NR2E3: variants seen among roughly 807,000 people sequenced by gnomAD.
NR2E3 encodes the protein nuclear receptor subfamily 2 group E member 3.
A neutral mutation model predicts 37.6 loss-of-function variants in NR2E3; 38 were observed. That is an observed-to-expected ratio of 1.01 (90% confidence interval 0.78 to 1.33). The LOEUF is 1.33. Among genes scored for constraint, NR2E3 ranks in the 40% most tolerant of loss-of-function variants. NR2E3 has a pLI of 0.00. For synonymous variants in NR2E3, 235 were observed against 225.1 expected (o/e 1.04, Z -0.39); for missense variants, 562 against 558.7 (o/e 1.01, Z -0.06).
Position 71,810,796 on chromosome 15 carries a change from C to T in NR2E3, c.53C>T (p.Pro18Leu), listed in dbSNP as rs778754527. Residue 18 changes from proline to leucine, a missense_variant, in exon 1 of 8, where the codon CCT (proline) becomes CTT (leucine). By Grantham distance (98) the Pro-to-Leu change is moderately conservative. Transcript: ENST00000617575. ...AGCTCCACAGTGGCTGCAGCTGCGC[C>T]TGCAGCTGGGGCTGCCTCCAGGAAG... ...LMSSTVAAAA[P>L]AAGAASRKES... is the part of the protein sequence containing the mutation. The T allele has an allele frequency of 7.0e-6, 11 of 1,576,978 alleles. No homozygotes were observed. In the South Asian group the frequency reaches 1.2e-4, roughly 17 times the overall value.
chr15:71,814,566 A>G (rs1567161179), intron 7 of NR2E3: 3 of 954,628 alleles, frequency 3.1e-6, no homozygotes, highest in African/African-American at 1.8e-5. Context: ...CTTTGAAGGT[A>G]TAACAGGTTC....
rs2054210089 is a variant in NR2E3, at chr15:71,814,174, C to T, written c.1100+57C>T. ...GTCCCTGACCTCTAACCTTTCTCTG[C>T]CTCTCCCACACTCTCCCAGAGCTCA... On this transcript the variant is annotated intron_variant, in intron 7 of 7. Transcript: ENST00000617575. 8 of 1,561,346 alleles carry T rather than the reference C, an allele frequency of 5.1e-6. No individual in the cohort carries two copies. In the Admixed American group the frequency reaches 1.5e-4, roughly 28 times the overall value.
rs2054182566 is a variant in NR2E3, at chr15:71,811,706, AGCCCATG to A, written c.246-57_246-51del. On this transcript the variant is annotated intron_variant, in intron 2 of 7. Coordinates refer to ENST00000617575, the MANE Select transcript of NR2E3 (RefSeq NM_014249.4). This position sits in a 1 kb window ranked among gnomAD's most constrained non-coding sequence, Gnocchi z 5.6. ...AGAGGGGCTTGGGCAAAAATGTCCA[AGCCCATG>A]GCTCAGGGCATGGGAGGGACACTGA... 3 of 1,548,548 alleles carry A rather than the reference AGCCCATG, an allele frequency of 1.9e-6. No individual in the cohort carries two copies. The highest frequency in any genetic ancestry group is 4.9e-5 in the East Asian group (2 of 41,046).
intron 7 of NR2E3, chr15:71,814,993 T>G (rs1429043179): frequency 1.2e-6 from 1 of 812,926 alleles, no homozygotes; most frequent in Non-Finnish European, 1.5e-6. Context: ...TGAGGGAAGA[T>G]GATAAGGTGT....
At chr15:71,810,974 C>G in intron 1 of NR2E3, 113 bp downstream of exon 1, 2 of 1,019,024 alleles carry the variant, frequency 2.0e-6, no homozygotes, top group South Asian at 1.9e-5. Context: ...CCAGCCCCGC[C>G]GGCTGTGGGC....
rs1158779939 is a variant in NR2E3, at chr15:71,810,559, TCTC to T, written c.-181_-179del. 3.0e-5 allele frequency: 24 copies of T among 797,208 alleles called. No individual in the cohort carries two copies. The highest frequency in any genetic ancestry group is 2.1e-4 in the African/African-American group (12 of 57,172). The allele number at this position is 797,208 out of a possible 1,614,324, so 49.4% of individuals were successfully genotyped here. A position where few individuals can be genotyped will look rare whatever the true frequency, so the allele number is the denominator to read the frequency against. On this transcript the variant is annotated 5_prime_UTR_variant, in exon 1 of 8. Transcript: ENST00000617575. ...CGTCCAGCGGCTGCCCCGGGAGAAA[TCTC>T]CTCAAGCCAGAGCCTGTGCTGTGAG...
At chr15:71,814,241 C>T in intron 7 of NR2E3, 124 bp downstream of exon 7, 1 of 1,463,074 alleles carries the variant, frequency 6.8e-7, no homozygotes, top group Non-Finnish European at 9.0e-7. Context: ...CAGCATACAG[C>T]CAACATCTAT....
In NR2E3 at chr15:71,813,684, A is replaced by G; in HGVS notation, c.994+49A>G. ...TTGAGTGGGAATTCTGGTGACTTCC[A>G]TCTGCCTCTCACTCTCCCTCCACTA... On this transcript the variant is annotated intron_variant, in intron 6 of 7. Coordinates refer to ENST00000617575, the MANE Select transcript of NR2E3 (RefSeq NM_014249.4). This position sits in a 1 kb window ranked among gnomAD's most constrained non-coding sequence, Gnocchi z 4.7. 2 of 1,607,962 alleles carry G rather than the reference A, an allele frequency of 1.2e-6. No homozygotes were observed. Among genetic ancestry groups the G allele is most frequent in the South Asian group, 2.2e-5 (2 of 90,994 alleles).
intron 7 of NR2E3, chr15:71,814,853 G>A: frequency 1.0e-6 from 1 of 985,658 alleles, no homozygotes; most frequent in Non-Finnish European, 1.2e-6. Flanking sequence ...GGAAGCAGAA[G>A]GGAGACTCTA....
In NR2E3 at chr15:71,814,027, A is replaced by C; in HGVS notation, c.1010A>C (p.Lys337Thr). 1 of 1,612,270 alleles carries C rather than the reference A, an allele frequency of 6.2e-7. No individual in the cohort carries two copies. Among genetic ancestry groups the C allele is most frequent in the Non-Finnish European group, 8.5e-7 (1 of 1,179,476 alleles). ...TTCTCCCCAGAGACGCGGGGCCTGA[A>C]GGATCCTGAGCACGTAGAGGCCTTG... is the stretch of plus-strand genomic sequence containing the variant. ...VLFKPETRGL[K>T]DPEHVEALQD... The change falls in exon 7 of 8, where the codon AAG (lysine) becomes ACG (threonine). Residue 337 changes from lysine (K) to threonine (T), a missense_variant. Physicochemically the swap from Lys to Thr is moderately conservative, Grantham distance 78 (BLOSUM62 -1). Coordinates refer to ENST00000617575, the MANE Select transcript of NR2E3 (RefSeq NM_014249.4).
intron 7 of NR2E3, among the ~76,000 whole-genome samples, chr15:71,817,094 CTTTT>C (rs986159548): frequency 1.5e-5 from 2 of 136,920 alleles, no homozygotes; most frequent in Admixed American, 7.3e-5. Flanking sequence ...TGCGGCTTTT[CTTTT>C]TTCTTTTTTT....
Position 71,813,623 on chromosome 15 carries a change from C to T in NR2E3, c.982C>T (p.Leu328Phe), listed in dbSNP as rs747469901. 1.2e-6 allele frequency: 2 copies of T among 1,613,842 alleles called. No homozygotes were observed. The highest frequency in any genetic ancestry group is 2.2e-5 in the South Asian group (2 of 91,078). The change falls in exon 6 of 8, where the codon CTC (leucine) becomes TTC (phenylalanine). Residue 328 changes from leucine to phenylalanine, a missense_variant. Coordinates refer to ENST00000617575, the MANE Select transcript of NR2E3 (RefSeq NM_014249.4). The surrounding 1 kb of genome is among the most constrained non-coding windows in gnomAD (Gnocchi z 4.7). The stretch of plus-strand genomic sequence containing the variant: ...GTTTGCCTGCATGAAGGCCTTGGTC[C>T]TCTTCAAGCCAGGTAACTGAGTCTC... ...TEFACMKALV[L>F]FKPETRGLKD...
chr15:71,813,566 C>G lies in NR2E3; in HGVS notation c.925C>G (p.Arg309Gly), dbSNP rs774102273. The G allele has an allele frequency of 3.1e-6, 5 of 1,613,834 alleles. No individual in the cohort carries two copies. Among genetic ancestry groups the G allele is most frequent in the Non-Finnish European group, 3.4e-6 (4 of 1,179,872 alleles). Residue 309 changes from arginine to glycine, a missense_variant, in exon 6 of 8, where the codon CGG (arginine) becomes GGG (glycine). Transcript: ENST00000617575. The surrounding 1 kb of genome is among the most constrained non-coding windows in gnomAD (Gnocchi z 4.7). ...ETRVLQETIS[R>G]FRALAVDPTE... ...GCGTGTCCTGCAGGAAACTATCTCT[C>G]GGTTCCGGGCATTGGCGGTGGACCC...
Position 71,812,504 on chromosome 15 carries a change from G to A in NR2E3, c.740G>A (p.Arg247Gln), listed in dbSNP as rs747043962. 1.6e-5 allele frequency: 26 copies of A among 1,609,854 alleles called. No homozygotes were observed. Among genetic ancestry groups the A allele is most frequent in the South Asian group, 1.0e-4 (9 of 90,370 alleles). Residue 247 changes from arginine (R) to glutamine (Q), a missense_variant, in exon 5 of 8, where the codon CGG becomes CAG. Physicochemically the swap from Arg to Gln is conservative, Grantham distance 43. Coordinates refer to ENST00000617575, the MANE Select transcript of NR2E3 (RefSeq NM_014249.4). ...CCTGTGTTCTCCAGCCTGCCCTTCC[G>A]GGATCAGGTACCTACCGGCCTGCCT... ...NLPVFSSLPF[R>Q]DQVILLEEAW...
intron 7 of NR2E3, chr15:71,814,528 CATG>C (rs2140292240): frequency 2.0e-6 from 2 of 994,706 alleles, no homozygotes; most frequent in African/African-American, 3.5e-5. Flanking sequence ...GAGGGGCAAG[CATG>C]ATATGTTGTT....
intron 7 of NR2E3, among the ~76,000 whole-genome samples, chr15:71,816,418 G>A (rs371280158): frequency 1.6e-4 from 25 of 151,858 alleles, no homozygotes; most frequent in East Asian, 1.5e-3. Context: ...CCACCACCAC[G>A]CCCGGCTAAT....
Position 71,816,502 on chromosome 15 carries a change from C to T in NR2E3, c.1101-1050C>T, listed in dbSNP as rs558311243. Among the ~76,000 whole-genome samples, 33 of 152,108 alleles carry T rather than the reference C, an allele frequency of 2.2e-4. No homozygotes were observed. In the South Asian group the frequency reaches 3.7e-3, roughly 17 times the overall value. ...GTCTCGATCTCCTGACCTCGTGTTC[C>T]GCCCGCCTCGGCCTCCCAAAGTGCT... On this transcript the variant is annotated intron_variant, in intron 7 of 7. Coordinates refer to ENST00000617575, the MANE Select transcript of NR2E3 (RefSeq NM_014249.4).
At position 71,812,328 on chromosome 15, in the gene NR2E3, T is replaced by C. The variant is rs1414488318; in HGVS notation, c.572-8T>C. On this transcript the variant is annotated splice_polypyrimidine_tract_variant and splice_region_variant and intron_variant, in intron 4 of 7. Coordinates refer to ENST00000617575, the MANE Select transcript of NR2E3 (RefSeq NM_014249.4). Reference sequence around the variant, plus strand: ...AGGCGCTAAGATCACAACCTCCTCCTCCAACAGCTGATGAGAATATTGATG... The same window carrying C: ...AGGCGCTAAGATCACAACCTCCTCCCCCAACAGCTGATGAGAATATTGATG... 1 of 1,613,522 alleles carries C rather than the reference T, an allele frequency of 6.2e-7. No individual in the cohort carries two copies. The highest frequency in any genetic ancestry group is 1.7e-5 in the Admixed American group (1 of 59,974).
rs2054205460 is a variant in NR2E3, at chr15:71,813,685, T to C, written c.994+50T>C. 11 of 1,607,520 alleles carry C rather than the reference T, an allele frequency of 6.8e-6. No individual in the cohort carries two copies. Among genetic ancestry groups the C allele is most frequent in the Non-Finnish European group, 9.3e-6 (11 of 1,179,374 alleles). ...TGAGTGGGAATTCTGGTGACTTCCA[T>C]CTGCCTCTCACTCTCCCTCCACTAC... On this transcript the variant is annotated intron_variant, in intron 6 of 7. Coordinates refer to ENST00000617575, the MANE Select transcript of NR2E3 (RefSeq NM_014249.4). This position sits in a 1 kb window ranked among gnomAD's most constrained non-coding sequence, Gnocchi z 4.7.
Sources: gnomAD v4.1 joint callset for allele counts (sites outside exome capture counted in the v4.1 genomes callset) on GRCh38, gnomAD v4.1.1 for gene constraint, Gnocchi (gnomAD v3.1) non-coding constraint, MANE v1.5 for transcripts, NCBI Gene and HGNC (gene_info 2026-07-23, HGNC 2026-07-21) for gene names.